GFM1: variants seen among roughly 807,000 people sequenced by gnomAD.
GFM1 encodes the protein elongation factor G, mitochondrial.
A neutral mutation model predicts 96.2 loss-of-function variants in GFM1; 62 were observed. The ratio of observed to expected loss-of-function variants is 0.64; its 90% confidence interval spans 0.53 to 0.80. The LOEUF is 0.80. GFM1 is among the 30% of genes least tolerant of loss of function. GFM1 has a pLI of 0.00. For synonymous variants in GFM1, 282 were observed against 312.9 expected (o/e 0.90, Z 1.04); for missense variants, 852 against 916.6 (o/e 0.93, Z 0.91).
At chr3:158,652,288 A>C (rs1722363416) in intron 6 of GFM1, 42 bp downstream of exon 6, 4 of 1,584,578 alleles carry the variant, frequency 2.5e-6, no homozygotes, top group Admixed American at 3.3e-5. Context: ...CAACAAAAAG[A>C]AGTCGTTTGT....
At chr3:158,667,732 G>A (rs915991631) in intron 13 of GFM1, among the ~76,000 whole-genome samples, 1 of 152,138 alleles carries the variant, frequency 6.6e-6, no homozygotes, top group Admixed American at 6.5e-5. Flanking sequence ...AGGCTGCAGC[G>A]AGCCATGATC....
At chr3:158,674,245 T>G (rs1490801594) in intron 13 of GFM1, among the ~76,000 whole-genome samples, 1 of 152,092 alleles carries the variant, frequency 6.6e-6, no homozygotes, top group Admixed American at 6.5e-5. Flanking sequence ...CACACCTGGC[T>G]AATTTTTTTG....
chr3:158,680,031 C>T (rs1725228932), intron 13 of GFM1, among the ~76,000 whole-genome samples: 2 of 152,180 alleles, frequency 1.3e-5, no homozygotes, highest in South Asian at 4.1e-4. Flanking sequence ...TTTGTTATGA[C>T]TCTAAAGTCA....
intron 15 of GFM1, among the ~76,000 whole-genome samples, chr3:158,688,645 T>C (rs181361400): frequency 2.2e-4 from 34 of 152,332 alleles, no homozygotes; most frequent in Non-Finnish European, 3.5e-4. Context: ...TCTCCTGTTG[T>C]AAAGAAGTTA....
Position 158,681,989 on chromosome 3 carries a change from T to C in GFM1, c.1602-6T>C, listed in dbSNP as rs965083613. 1 of 1,612,062 alleles carries C rather than the reference T, an allele frequency of 6.2e-7. No individual in the cohort carries two copies. The highest frequency in any genetic ancestry group is 8.5e-7 in the Non-Finnish European group (1 of 1,178,764). ...CTCCATTTTTTTTTTCCTAAATCAC[T>C]TTCAGGTTTGACTTTACACATAAAA... On this transcript the variant is annotated splice_polypyrimidine_tract_variant and splice_region_variant and intron_variant, in intron 13 of 17. Coordinates refer to ENST00000486715, the MANE Select transcript of GFM1 (RefSeq NM_024996.7).
rs759565163 is a variant in GFM1 at position 158,691,288 on chromosome 3, A to AAAAC, written c.2125-32_2125-29dup. The AAAAC allele has an allele frequency of 1.1e-5, 18 of 1,598,830 alleles. No individual in the cohort carries two copies. In the Admixed American group the frequency reaches 1.9e-4, roughly 17 times the overall value. ...GTATGACTTTTACTTGATAGTTTAA[A>AAAAC]AAACAAACAAACAAACAAAAAACCC... On this transcript the variant is annotated intron_variant, in intron 17 of 17. Transcript: ENST00000486715.
chr3:158,647,049 A>G (rs928272036), intron 4 of GFM1, 102 bp downstream of exon 4: 1 of 969,256 alleles, frequency 1.0e-6, no homozygotes, highest in Non-Finnish European at 1.6e-6. Context: ...TTATTCTTAA[A>G]TTTAGTTTTT....
chr3:158,653,916 C>T (rs912084321), intron 7 of GFM1, among the ~76,000 whole-genome samples: 29 of 152,140 alleles, frequency 1.9e-4, no homozygotes, highest in East Asian at 3.9e-4. Flanking sequence ...ACTAAAAATA[C>T]GGAAATTAGC....
chr3:158,657,800 A>T (rs529328961), intron 8 of GFM1, among the ~76,000 whole-genome samples: 1 of 152,092 alleles, frequency 6.6e-6, no homozygotes, highest in East Asian at 1.9e-4. Context: ...TTGATTTGTC[A>T]TGTTTCTTTA....
intron 17 of GFM1, 62 bp downstream of exon 17, chr3:158,691,254 C>A: frequency 6.2e-7 from 1 of 1,605,676 alleles, no homozygotes; most frequent in East Asian, 2.2e-5. Flanking sequence ...ATTATAAAAT[C>A]TTGACCTTGT....
intron 10 of GFM1, among the ~76,000 whole-genome samples, chr3:158,661,529 C>T (rs530386975): frequency 1.3e-5 from 2 of 152,276 alleles, no homozygotes; most frequent in Middle Eastern, 3.4e-3. Context: ...AATAGCCTGC[C>T]CTTTGGAACT....
Position 158,646,198 on chromosome 3 carries a change from G to A in GFM1, c.268G>A (p.Asp90Asn). 7 of 1,614,110 alleles carry A rather than the reference G, an allele frequency of 4.3e-6. No homozygotes were observed. Among genetic ancestry groups the A allele is most frequent in the Non-Finnish European group, 5.9e-6 (7 of 1,179,952 alleles). The change falls in exon 3 of 18, where the codon GAT (aspartate) becomes AAT (asparagine). Residue 90 changes from aspartate to asparagine, a missense_variant. By Grantham distance (23) the Asp-to-Asn change is conservative. Transcript: ENST00000486715. Reference protein sequence around the residue: ...KGKDGVGAVMDSMELERQRGI... With the variant: ...KGKDGVGAVMNSMELERQRGI... The stretch of plus-strand genomic sequence containing the variant: ...TAAAGATGGAGTTGGTGCTGTCATG[G>A]ATTCCATGGAACTAGAGAGACAAAG...
chr3:158,689,802 A>G (rs1216563726), intron 15 of GFM1, among the ~76,000 whole-genome samples: 2 of 151,752 alleles, frequency 1.3e-5, no homozygotes, highest in African/African-American at 4.8e-5. Context: ...TGTAACAGTT[A>G]TTATCTTTAA....
At chr3:158,671,059 TAAC>T in intron 13 of GFM1, 2 of 1,471,854 alleles carry the variant, frequency 1.4e-6, no homozygotes, top group Non-Finnish European at 1.8e-6. Flanking sequence ...GAAAATATTA[TAAC>T]AACATTATAC....
In GFM1 at chr3:158,651,284, G is replaced by A. The variant is rs1240360153; in HGVS notation, c.690-812G>A. ...TATTAATGGAAAGGAATAGAGTAAG[G>A]TCTTCCTAGTACTGCTTACTAGAGA... is the stretch of plus-strand genomic sequence containing the variant. On this transcript the variant is annotated intron_variant, in intron 5 of 17. Coordinates refer to ENST00000486715, the MANE Select transcript of GFM1 (RefSeq NM_024996.7). Among the ~76,000 whole-genome samples the A allele has an allele frequency of 3.3e-5, 5 of 152,122 alleles. No individual in the cohort carries two copies. In the East Asian group the frequency reaches 9.7e-4, roughly 29 times the overall value.
rs1342482846 is a variant in GFM1, at chr3:158,691,489, T to C, written c.*22T>C. On this transcript the variant is annotated 3_prime_UTR_variant, in exon 18 of 18. Coordinates refer to ENST00000486715, the MANE Select transcript of GFM1 (RefSeq NM_024996.7). The stretch of plus-strand genomic sequence containing the variant: ...CTAACTTTGCTTACTGTGAGTTGAC[T>C]GACTCTAATTGAATCTGCGTGGTTT... The C allele has an allele frequency of 6.2e-7, 1 of 1,612,300 alleles. No individual in the cohort carries two copies. The highest frequency in any genetic ancestry group is 2.2e-5 in the East Asian group (1 of 44,814).
At chr3:158,684,781 A>T in intron 15 of GFM1, 113 bp downstream of exon 15, 1 of 1,100,382 alleles carries the variant, frequency 9.1e-7, no homozygotes, top group Non-Finnish European at 1.4e-6. Context: ...CTCCACAGGG[A>T]ATATTGTAGG....
Position 158,645,687 on chromosome 3 carries a change from G to A in GFM1, c.140G>A (p.Arg47Gln). 1 of 1,611,378 alleles carries A rather than the reference G, an allele frequency of 6.2e-7. No homozygotes were observed. Reference sequence around the variant, plus strand: ...GGGGTGATTCCTAATGAAAAAATACGAAATATTGGAATCTCAGCTCACATT... The same window carrying A: ...GGGGTGATTCCTAATGAAAAAATACAAAATATTGGAATCTCAGCTCACATT... ...SSGVIPNEKIRNIGISAHIDS... is the reference protein window; with the variant it reads ...SSGVIPNEKIQNIGISAHIDS... The change falls in exon 2 of 18, where the codon CGA becomes CAA. Residue 47 changes from arginine to glutamine, a missense_variant. Arg to Gln is a conservative substitution (Grantham distance 43). Transcript: ENST00000486715.
intron 5 of GFM1, chr3:158,650,077 T>C (rs1722174020): frequency 5.9e-6 from 9 of 1,528,484 alleles, no homozygotes; most frequent in African/African-American, 2.7e-5. Context: ...CGAATGGCAT[T>C]GTGATCAGTG....
Sources: allele counts gnomAD v4.1 joint callset (sites outside exome capture counted in the v4.1 genomes callset), GRCh38; gene constraint gnomAD v4.1.1; transcripts MANE v1.5; gene names NCBI Gene and HGNC (gene_info 2026-07-23, HGNC 2026-07-21).